Variants in LAMA2 observed in about 807,000 individuals in gnomAD.
LAMA2 encodes the protein laminin subunit alpha-2.
A neutral mutation model predicts 364.8 loss-of-function variants in LAMA2; 269 were observed. The observed-to-expected ratio is 0.74, with a 90% CI of 0.67 to 0.82. The LOEUF (loss-of-function observed/expected upper bound fraction) is 0.82. Among genes scored for constraint, LAMA2 ranks in the 40% least tolerant of loss-of-function variants. The probability of loss-of-function intolerance (pLI) is 0.00; values close to 1 mark genes in which losing one functional copy is unlikely to be tolerated. For synonymous variants in LAMA2, 1,379 were observed against 1,370.6 expected (o/e 1.01, Z -0.14); for missense variants, 3,807 against 3,873.2 (o/e 0.98, Z 0.45).
chr6:129,401,991 T>C (rs1426527755), intron 38 of LAMA2, among the ~76,000 whole-genome samples: 1 of 152,100 alleles, frequency 6.6e-6, no homozygotes, highest in African/African-American at 2.4e-5. Context: ...GCAGACTGCC[T>C]GAGCTCGGGA....
At chr6:129,400,247 C>T (rs1779893848) in intron 37 of LAMA2, among the ~76,000 whole-genome samples, 1 of 152,124 alleles carries the variant, frequency 6.6e-6, no homozygotes, top group African/African-American at 2.4e-5. Flanking sequence ...TCCAAAGGCC[C>T]CACTTCCTAA....
intron 16 of LAMA2, among the ~76,000 whole-genome samples, chr6:129,269,313 C>G (rs544748927): frequency 6.6e-6 from 1 of 150,780 alleles, no homozygotes; most frequent in Non-Finnish European, 1.5e-5. Flanking sequence ...AAAGCACTTT[C>G]GTAACAGGAC....
chr6:129,478,719 C>G lies in LAMA2; in HGVS notation c.7478C>G (p.Ser2493Cys), dbSNP rs1784205996. ...CCAGAAGTAAATCTGAAGAAATATTCCGGCTGCCTCAAAGATATTGAAATT... is the reference window on the plus strand; with the variant it reads ...CCAGAAGTAAATCTGAAGAAATATTGCGGCTGCCTCAAAGATATTGAAATT... ...ARPEVNLKKY[S>C]GCLKDIEISR... The change falls in exon 54 of 65, where the codon TCC becomes TGC. Residue 2493 changes from serine to cysteine, a missense_variant. Ser to Cys is a moderately radical substitution (Grantham distance 112). This residue lies in a region of LAMA2 where 3,333 missense variants were observed against 3,345.7 expected (regional missense o/e 1.00). Coordinates refer to ENST00000421865, the MANE Select transcript of LAMA2 (RefSeq NM_000426.4). 2 of 1,613,342 alleles carry G rather than the reference C, an allele frequency of 1.2e-6. No individual in the cohort carries two copies. Among genetic ancestry groups the G allele is most frequent in the Non-Finnish European group, 1.7e-6 (2 of 1,179,376 alleles).
intron 29 of LAMA2, among the ~76,000 whole-genome samples, chr6:129,336,900 AT>A (rs1170982419): frequency 1.3e-5 from 2 of 152,250 alleles, no homozygotes; most frequent in Non-Finnish European, 2.9e-5. Context: ...TATTCAGATA[AT>A]ATAAAGCTGA....
At position 129,192,846 on chromosome 6, in the gene LAMA2, G is replaced by A. The variant is rs1348031989; in HGVS notation, c.1775G>A (p.Gly592Glu). ...YYWSAPAPYLGNKLPAVGGQL... is the reference protein window; with the variant it reads ...YYWSAPAPYLENKLPAVGGQL... Reference sequence around the variant, plus strand: ...TGGAGCGCGCCGGCTCCCTATCTGGGAAACAAAGTAAGTCCACGCTTGCTT... The same window carrying A: ...TGGAGCGCGCCGGCTCCCTATCTGGAAAACAAAGTAAGTCCACGCTTGCTT... Residue 592 changes from glycine to glutamate, a missense_variant, in exon 12 of 65, where the codon GGA becomes GAA. Transcript: ENST00000421865. The A allele has an allele frequency of 1.2e-6, 2 of 1,613,906 alleles. No homozygotes were observed. The highest frequency in any genetic ancestry group is 2.2e-5 in the East Asian group (1 of 44,882).
intron 2 of LAMA2, among the ~76,000 whole-genome samples, chr6:129,058,135 C>T (rs995952212): frequency 6.6e-6 from 1 of 152,196 alleles, no homozygotes; most frequent in African/African-American, 2.4e-5. Context: ...CAACAGCCTC[C>T]ACTCCTGCCA....
At chr6:129,158,496 A>G (rs748189692) in intron 8 of LAMA2, 83 of 1,613,940 alleles carry the variant, frequency 5.1e-5, no homozygotes, top group Middle Eastern at 1.7e-4. Context: ...CTGGTCAATA[A>G]GGTCTTTTAG....
intron 3 of LAMA2, among the ~76,000 whole-genome samples, chr6:129,087,135 G>C (rs367566091): frequency 2.6e-5 from 4 of 152,024 alleles, no homozygotes; most frequent in Non-Finnish European, 4.4e-5. Flanking sequence ...GCCATAAAAA[G>C]GGTCATATTC....
intron 1 of LAMA2, among the ~76,000 whole-genome samples, chr6:128,965,562 A>G (rs1009247264): frequency 6.6e-5 from 10 of 151,946 alleles, no homozygotes; most frequent in Non-Finnish European, 1.3e-4. Context: ...TATTTGAATC[A>G]TTCGTTTTAT....
At chr6:129,500,130 G>T (rs1426312573) in intron 58 of LAMA2, among the ~76,000 whole-genome samples, 1 of 152,044 alleles carries the variant, frequency 6.6e-6, no homozygotes, top group Non-Finnish European at 1.5e-5. Context: ...ACCAAGCAAG[G>T]GGGAGGTCGA....
chr6:129,313,935 T>C (rs1347910050), intron 23 of LAMA2, among the ~76,000 whole-genome samples: 1 of 152,226 alleles, frequency 6.6e-6, no homozygotes, highest in Non-Finnish European at 1.5e-5. Flanking sequence ...TATGTGTGTA[T>C]ATATATTACA....
At chr6:129,244,319 TAAAAGAGAGCTCTACAAATAGATGC>T (rs1218545840) in intron 12 of LAMA2, among the ~76,000 whole-genome samples, 1 of 152,082 alleles carries the variant, frequency 6.6e-6, no homozygotes, top group African/African-American at 2.4e-5. Context: ...GTTTCTATGA[TAAAAGAGAGCTCTACAAATAGATGC>T]ATGAATAAAC....
intron 28 of LAMA2, among the ~76,000 whole-genome samples, 154 bp from the exon 29 acceptor site, chr6:129,328,124 T>C (rs913657172): frequency 7.2e-5 from 11 of 152,170 alleles, no homozygotes; most frequent in African/African-American, 2.7e-4. Context: ...AAATACACAT[T>C]AAGTATCAAA....
intron 41 of LAMA2, among the ~76,000 whole-genome samples, chr6:129,436,631 A>C (rs1781845806): frequency 6.6e-6 from 1 of 152,114 alleles, no homozygotes; most frequent in African/African-American, 2.4e-5. Flanking sequence ...AATTCTAATA[A>C]ACTTATTAAC....
At chr6:129,125,796 G>T (rs190447020) in intron 4 of LAMA2, among the ~76,000 whole-genome samples, 2 of 152,194 alleles carry the variant, frequency 1.3e-5, no homozygotes, top group Non-Finnish European at 2.9e-5. Context: ...AATTTCAAAT[G>T]CTCTCATCAT....
chr6:128,934,130 C>A (rs376060378), intron 1 of LAMA2, among the ~76,000 whole-genome samples: 1 of 152,192 alleles, frequency 6.6e-6, no homozygotes, highest in African/African-American at 2.4e-5. Flanking sequence ...ATAAGATAAA[C>A]ATCCAAAATC....
chr6:129,021,615 A>G (rs1785456366), intron 1 of LAMA2, among the ~76,000 whole-genome samples: 1 of 152,196 alleles, frequency 6.6e-6, no homozygotes, highest in Non-Finnish European at 1.5e-5. Flanking sequence ...AAGGTAGGAG[A>G]CTGAATGCCC....
intron 3 of LAMA2, among the ~76,000 whole-genome samples, chr6:129,095,965 C>G (rs1583033759): frequency 6.6e-6 from 1 of 151,814 alleles, no homozygotes; most frequent in South Asian, 2.1e-4. Flanking sequence ...CTGGCCTCCA[C>G]AAGCCCACAA....
At chr6:129,480,174 A>G (rs1306568597) in intron 54 of LAMA2, among the ~76,000 whole-genome samples, 6 of 152,232 alleles carry the variant, frequency 3.9e-5, no homozygotes. Flanking sequence ...CTAAAACTCC[A>G]TGATTTGAAA....
Sources: allele counts gnomAD v4.1 joint callset (sites outside exome capture counted in the v4.1 genomes callset), GRCh38; gene constraint gnomAD v4.1.1; regional missense constraint gnomAD v4.1.1; transcripts MANE v1.5; gene names NCBI Gene and HGNC (gene_info 2026-07-23, HGNC 2026-07-21).